Variants in FER observed in about 807,000 individuals in gnomAD.
The protein encoded by FER is FER tyrosine kinase.
FER carries 63 observed loss-of-function variants against 111.0 expected under a neutral mutation model. That is an observed-to-expected ratio of 0.57 (90% CI 0.46 to 0.70). The LOEUF is 0.70. Ranked by LOEUF, FER falls within the 30% of genes least tolerant of loss-of-function variation. FER has a pLI of 0.00. For missense variants in FER, 914 were observed against 954.0 expected (o/e 0.96, Z 0.55); for synonymous variants, 327 against 313.9 (o/e 1.04, Z -0.44).
intron 2 of FER, among the ~76,000 whole-genome samples, chr5:108,772,505 C>G (rs1272453646): frequency 6.6e-6 from 1 of 151,528 alleles, no homozygotes; most frequent in African/African-American, 2.4e-5. Flanking sequence ...TACTTAACAT[C>G]TCTTCTGGGA....
chr5:109,011,243 T>C (rs1300564056), intron 13 of FER, among the ~76,000 whole-genome samples: 2 of 152,156 alleles, frequency 1.3e-5, no homozygotes, highest in South Asian at 4.1e-4. Context: ...CAGAATTCAG[T>C]GAGATATTGA....
At position 109,152,875 on chromosome 5, in the gene FER, G is replaced by A. The variant is rs536768307; in HGVS notation, c.2049-27872G>A. 8.8e-4 allele frequency among the ~76,000 whole-genome samples: 133 copies of A among 151,922 alleles called. 3 individuals carry two copies. In the Middle Eastern group the frequency reaches 0.01, roughly 12 times the overall value. ...CTTTCATTGTAAAAGAAGCCGTTAA[G>A]AACAAGCCATTTTGGAGATATTTTA... is the stretch of plus-strand genomic sequence containing the variant. On this transcript the variant is annotated intron_variant, in intron 17 of 19. Coordinates refer to ENST00000281092, the MANE Select transcript of FER (RefSeq NM_005246.4).
chr5:109,044,952 C>T, intron 15 of FER, 157 bp downstream of exon 15: 1 of 457,348 alleles, frequency 2.2e-6, no homozygotes, highest in Non-Finnish European at 4.0e-6. Context: ...TGATATTCTG[C>T]AGATCAATTC....
intron 4 of FER, among the ~76,000 whole-genome samples, chr5:108,835,150 T>C (rs987306708): frequency 2.0e-5 from 3 of 147,468 alleles, no homozygotes; most frequent in African/African-American, 7.6e-5. Context: ...TTTTAAATTT[T>C]AGATAATGGC....
chr5:109,005,544 C>T (rs1306281840), intron 13 of FER, among the ~76,000 whole-genome samples: 1 of 152,102 alleles, frequency 6.6e-6, no homozygotes, highest in Non-Finnish European at 1.5e-5. Flanking sequence ...CTCCCAGACA[C>T]ATACAAACAT....
At chr5:109,015,862 C>A (rs1395203712) in intron 13 of FER, among the ~76,000 whole-genome samples, 1 of 151,856 alleles carries the variant, frequency 6.6e-6, no homozygotes, top group Non-Finnish European at 1.5e-5. Flanking sequence ...CTTTTTCCAC[C>A]TCCTCATTCC....
At chr5:108,822,485 A>G (rs929176834) in intron 3 of FER, among the ~76,000 whole-genome samples, 1 of 152,174 alleles carries the variant, frequency 6.6e-6, no homozygotes, top group African/African-American at 2.4e-5. Context: ...AAATAAAGGG[A>G]AGTGGACATA....
intron 17 of FER, among the ~76,000 whole-genome samples, chr5:109,130,668 A>G (rs534703007): frequency 6.6e-6 from 1 of 151,924 alleles, no homozygotes; most frequent in South Asian, 2.1e-4. Context: ...CTGTTGATAA[A>G]TTTTACGTTG....
intron 17 of FER, among the ~76,000 whole-genome samples, chr5:109,147,003 G>A (rs937478313): frequency 1.3e-5 from 2 of 151,812 alleles, no homozygotes; most frequent in African/African-American, 4.8e-5. Flanking sequence ...AAATGTTGAG[G>A]AATACAGAAT....
At chr5:108,964,241 T>G (rs1283090854) in intron 13 of FER, among the ~76,000 whole-genome samples, 1 of 152,134 alleles carries the variant, frequency 6.6e-6, no homozygotes, top group Non-Finnish European at 1.5e-5. Context: ...CTAGACTGTG[T>G]TGAGGACAGT....
intron 13 of FER, among the ~76,000 whole-genome samples, chr5:108,994,012 T>C (rs1343800855): frequency 6.6e-6 from 1 of 152,218 alleles, no homozygotes; most frequent in Non-Finnish European, 1.5e-5. Context: ...CCTTGTAGGT[T>C]CTAGATATTA....
intron 17 of FER, among the ~76,000 whole-genome samples, chr5:109,166,220 T>A (rs1756543489): frequency 6.6e-6 from 1 of 151,956 alleles, no homozygotes; most frequent in Non-Finnish European, 1.5e-5. Flanking sequence ...TTAACAGAGA[T>A]ATGACTTAAT....
intron 13 of FER, among the ~76,000 whole-genome samples, chr5:109,023,756 A>G (rs936355048): frequency 6.6e-6 from 1 of 151,994 alleles, no homozygotes. Flanking sequence ...TGCCTAGCAC[A>G]GTGCCTGTCA....
chr5:108,879,720 A>ATATATATATATATATT (rs1372736461), intron 8 of FER, among the ~76,000 whole-genome samples: 1 of 140,632 alleles, frequency 7.1e-6, no homozygotes, highest in South Asian at 2.2e-4. Context: ...ATATATATAT[A>ATATATATATATATATT]TATATTTGAG....
At chr5:108,889,984 A>T (rs760426170) in intron 9 of FER, among the ~76,000 whole-genome samples, 2 of 152,038 alleles carry the variant, frequency 1.3e-5, no homozygotes, top group Non-Finnish European at 2.9e-5. Context: ...CAATGGTAGC[A>T]TCTTGTAAAA....
chr5:109,059,266 A>G (rs1013272347), intron 16 of FER, among the ~76,000 whole-genome samples: 3 of 152,138 alleles, frequency 2.0e-5, no homozygotes, highest in African/African-American at 7.2e-5. Flanking sequence ...GGTTATGAAA[A>G]GCACTGGAGA....
intron 16 of FER, among the ~76,000 whole-genome samples, chr5:109,091,735 A>G (rs753893907): frequency 6.1e-4 from 93 of 152,220 alleles, no homozygotes; most frequent in Non-Finnish European, 1.0e-3. Flanking sequence ...CTGGTGTGTC[A>G]TGAACTTTCA....
intron 8 of FER, among the ~76,000 whole-genome samples, chr5:108,881,130 C>T (rs924145119): frequency 6.6e-6 from 1 of 152,156 alleles, no homozygotes; most frequent in Non-Finnish European, 1.5e-5. Flanking sequence ...GTTTCTTATC[C>T]TGTGCACTCA....
At chr5:108,855,107 G>A (rs1762870761) in intron 5 of FER, among the ~76,000 whole-genome samples, 2 of 152,062 alleles carry the variant, frequency 1.3e-5, no homozygotes, top group Admixed American at 6.6e-5. Flanking sequence ...TGGGAAGACT[G>A]GTTTTTAGAG....
Sources: gnomAD v4.1 joint callset for allele counts (sites outside exome capture counted in the v4.1 genomes callset) on GRCh38, gnomAD v4.1.1 for gene constraint, MANE v1.5 for transcripts, NCBI Gene and HGNC (gene_info 2026-07-23, HGNC 2026-07-21) for gene names.